The following PCDH9 variants were observed in gnomAD, a reference collection of about 807,000 sequenced individuals.
PCDH9 encodes the protein protocadherin 9, also known as protocadherin-9.
In PCDH9, 24 loss-of-function variants were observed where a neutral mutation model predicts 70.6. The observed-to-expected ratio is 0.34, with a 90% CI of 0.25 to 0.48. The LOEUF (loss-of-function observed/expected upper bound fraction) is 0.48. Ranked by LOEUF, PCDH9 falls within the 20% of genes least tolerant of loss-of-function variation. PCDH9 has a pLI of 0.99. For missense variants in PCDH9, 1,281 were observed against 1,503.6 expected (o/e 0.85, Z 2.45); for synonymous variants, 562 against 558.5 (o/e 1.01, Z -0.09).
intron 2 of PCDH9, among the ~76,000 whole-genome samples, chr13:66,908,422 T>A (rs546416371): frequency 6.6e-6 from 1 of 152,288 alleles, no homozygotes; most frequent in South Asian, 2.1e-4. Flanking sequence ...AGAAAGTGTT[T>A]TCTTCAGTGG....
chr13:66,564,074 T>A (rs570588305), intron 4 of PCDH9, among the ~76,000 whole-genome samples: 3 of 152,258 alleles, frequency 2.0e-5, no homozygotes, highest in African/African-American at 7.2e-5. Flanking sequence ...AAAATTGTTA[T>A]TAAAATAAAC....
intron 3 of PCDH9, among the ~76,000 whole-genome samples, chr13:66,714,694 T>A (rs1056157161): frequency 5.9e-5 from 9 of 152,158 alleles, no homozygotes; most frequent in African/African-American, 2.2e-4. Flanking sequence ...CTAAATGTTG[T>A]AATAAAAGTA....
chr13:66,770,630 G>T (rs959831401), intron 3 of PCDH9, among the ~76,000 whole-genome samples: 5 of 152,162 alleles, frequency 3.3e-5, no homozygotes, highest in African/African-American at 1.2e-4. Context: ...ATACAAGTGT[G>T]AGTAATTAAA....
At chr13:67,116,253 T>G (rs568324031) in intron 2 of PCDH9, among the ~76,000 whole-genome samples, 77 of 152,078 alleles carry the variant, frequency 5.1e-4, no homozygotes, top group Non-Finnish European at 8.5e-4. Flanking sequence ...CCACACAGAA[T>G]CAGGGAAAAT....
At chr13:66,586,017 C>A (rs1280975404) in intron 4 of PCDH9, among the ~76,000 whole-genome samples, 1 of 152,142 alleles carries the variant, frequency 6.6e-6, no homozygotes, top group East Asian at 1.9e-4. Flanking sequence ...TCCATTTCAA[C>A]CCACATCAAA....
chr13:66,997,726 G>A (rs1237232522), intron 2 of PCDH9, among the ~76,000 whole-genome samples: 1 of 152,048 alleles, frequency 6.6e-6, no homozygotes, highest in Non-Finnish European at 1.5e-5. Context: ...GTAGAGACGG[G>A]GTTTCACCAT....
chr13:66,332,517 G>A (rs937259653), intron 4 of PCDH9, among the ~76,000 whole-genome samples: 1 of 152,090 alleles, frequency 6.6e-6, no homozygotes, highest in Admixed American at 6.6e-5. Flanking sequence ...AGACTGCAGT[G>A]CTGGTCTCTA....
intron 3 of PCDH9, among the ~76,000 whole-genome samples, chr13:66,795,050 A>C (rs2080220685): frequency 6.6e-6 from 1 of 151,792 alleles, no homozygotes; most frequent in African/African-American, 2.4e-5. Context: ...AATGCCAGCA[A>C]ATACAGGGTA....
chr13:66,320,644 C>T (rs1360586876), intron 4 of PCDH9, among the ~76,000 whole-genome samples: 1 of 151,860 alleles, frequency 6.6e-6, no homozygotes, highest in African/African-American at 2.4e-5. Flanking sequence ...TACTTCATGG[C>T]CATGTTATAA....
chr13:66,460,320 T>C (rs1291447003), intron 4 of PCDH9, among the ~76,000 whole-genome samples: 1 of 151,920 alleles, frequency 6.6e-6, no homozygotes, highest in African/African-American at 2.4e-5. Context: ...CTTTTCTAAT[T>C]TGAAGAGCTT....
chr13:66,847,004 C>T lies in PCDH9; in HGVS notation c.3138+56500G>A, dbSNP rs116302098. 3.6e-3 allele frequency among the ~76,000 whole-genome samples: 554 copies of T among 152,060 alleles called. 5 individuals carry two copies. Among genetic ancestry groups the T allele is most frequent in the African/African-American group, 0.013 (529 of 41,492 alleles). The stretch of plus-strand genomic sequence containing the variant: ...TCAAAATTCAAATGAATGATTTCCC[C>T]CATTTTTCTGATCAGGTAAATAAAT... On this transcript the variant is annotated intron_variant, in intron 3 of 4. Transcript: ENST00000377865.
chr13:67,130,514 A>C (rs1200434285), intron 2 of PCDH9, among the ~76,000 whole-genome samples: 5 of 151,982 alleles, frequency 3.3e-5, no homozygotes, highest in Admixed American at 2.0e-4. Flanking sequence ...TCAAAGTGAA[A>C]CATTTCACAG....
At chr13:66,945,256 G>A (rs2083070353) in intron 2 of PCDH9, among the ~76,000 whole-genome samples, 1 of 151,662 alleles carries the variant, frequency 6.6e-6, no homozygotes. Context: ...CCTATAATTT[G>A]TCTCCCTCAC....
chr13:66,308,741 C>T (rs1200533), intron 4 of PCDH9, among the ~76,000 whole-genome samples: 2,590 of 151,940 alleles, frequency 0.017, 72 homozygotes, highest in African/African-American at 0.059. Flanking sequence ...GTCAAATTAT[C>T]TAGTATCAAA....
chr13:66,726,197 T>C (rs1380679318), intron 3 of PCDH9, among the ~76,000 whole-genome samples: 1 of 152,182 alleles, frequency 6.6e-6, no homozygotes, highest in African/African-American at 2.4e-5. Flanking sequence ...ATAATCTTTC[T>C]TTAAAATTTG....
intron 2 of PCDH9, among the ~76,000 whole-genome samples, chr13:67,175,376 C>T (rs2088422197): frequency 6.6e-6 from 1 of 152,156 alleles, no homozygotes; most frequent in Admixed American, 6.5e-5. Flanking sequence ...TAATTATAAA[C>T]TTCTTCCTCA....
At chr13:67,093,657 G>T (rs2086263438) in intron 2 of PCDH9, among the ~76,000 whole-genome samples, 1 of 152,082 alleles carries the variant, frequency 6.6e-6, no homozygotes, top group African/African-American at 2.4e-5. Flanking sequence ...CAGTAGATTT[G>T]AAGGGATTCT....
rs1369949427 is a variant in PCDH9 at position 66,543,652 on chromosome 13, T to C, written c.3340+87558A>G. Among the ~76,000 whole-genome samples the C allele has an allele frequency of 2.0e-5, 3 of 152,162 alleles. No homozygotes were observed. In the East Asian group the frequency reaches 5.8e-4, roughly 29 times the overall value. On this transcript the variant is annotated intron_variant, in intron 4 of 4. Transcript: ENST00000377865. ...AGTTTGAGAAGTGAATATTCACCAC[T>C]GTAAGAAAGTTAAAGAGGGTATACA...
chr13:66,365,046 G>A (rs1956530883), intron 4 of PCDH9, among the ~76,000 whole-genome samples: 1 of 152,154 alleles, frequency 6.6e-6, no homozygotes, highest in African/African-American at 2.4e-5. Flanking sequence ...GCCCTTTTAA[G>A]CATTTCCACT....
Sources: gnomAD v4.1 joint callset for allele counts (sites outside exome capture counted in the v4.1 genomes callset) on GRCh38, gnomAD v4.1.1 for gene constraint, MANE v1.5 for transcripts, NCBI Gene and HGNC (gene_info 2026-07-23, HGNC 2026-07-21) for gene names.